Variants in LURAP1L observed in about 807,000 individuals in gnomAD.
LURAP1L encodes the protein leucine rich adaptor protein 1-like.
Under a neutral mutation model 13.8 loss-of-function variants are expected in LURAP1L, and 12 were observed. The observed-to-expected ratio is 0.87, with a 90% CI of 0.56 to 1.41. The LOEUF is 1.41. Among genes scored for constraint, LURAP1L ranks in the 40% most tolerant of loss-of-function variants. The pLI, the probability that LURAP1L is intolerant of heterozygous loss-of-function variation, is 0.00. For missense variants in LURAP1L, 375 were observed against 292.9 expected (o/e 1.28, Z -2.04); for synonymous variants, 139 against 119.2 (o/e 1.17, Z -1.08).
At position 12,786,583 on chromosome 9, in the gene LURAP1L, A is replaced by T. The variant is rs796543223; in HGVS notation, c.312+10556A>T. ...ATATATATATATATATATATATATAAACCCTTGTGCCTTAAGTCTGTATAG... is the reference window on the plus strand; with the variant it reads ...ATATATATATATATATATATATATATACCCTTGTGCCTTAAGTCTGTATAG... On this transcript the variant is annotated intron_variant, in intron 1 of 1. Transcript: ENST00000319264. 1.2e-3 allele frequency among the ~76,000 whole-genome samples: 24 copies of T among 19,852 alleles called. No individual in the cohort carries two copies. The East Asian group carries it at 0.014, about 12-fold the overall frequency. The allele number at this position is 19,852 out of a possible 152,430, so 13.0% of individuals were successfully genotyped here. A position where few individuals can be genotyped will look rare whatever the true frequency, so the allele number is the denominator to read the frequency against.
intron 1 of LURAP1L, among the ~76,000 whole-genome samples, chr9:12,786,283 A>C (rs1214466421): frequency 6.6e-6 from 1 of 151,750 alleles, no homozygotes; most frequent in Non-Finnish European, 1.5e-5. Flanking sequence ...ACTAGTTGCT[A>C]ATTATATAGA....
chr9:12,782,952 G>C (rs1421914131), intron 1 of LURAP1L, among the ~76,000 whole-genome samples: 2 of 151,900 alleles, frequency 1.3e-5, no homozygotes, highest in Non-Finnish European at 2.9e-5. Flanking sequence ...TTAAATCCTA[G>C]GTATTTAATT....
At chr9:12,788,734 A>G (rs13287371) in intron 1 of LURAP1L, among the ~76,000 whole-genome samples, 6,636 of 152,090 alleles carry the variant, frequency 0.044, 199 homozygotes, top group Middle Eastern at 0.16. Flanking sequence ...CAGTGATATC[A>G]TTGAATGATA....
At chr9:12,789,543 A>G (rs1406640236) in intron 1 of LURAP1L, among the ~76,000 whole-genome samples, 1 of 152,208 alleles carries the variant, frequency 6.6e-6, no homozygotes, top group Non-Finnish European at 1.5e-5. Flanking sequence ...AGTAAGATTT[A>G]GCCATTTAAG....
chr9:12,817,966 G>A lies in LURAP1L; in HGVS notation c.313-3420G>A, dbSNP rs535893481. Among the ~76,000 whole-genome samples, 37 of 152,078 alleles carry A rather than the reference G, an allele frequency of 2.4e-4. No individual in the cohort carries two copies. In the South Asian group the frequency reaches 4.4e-3, roughly 18 times the overall value. ...CAGCGTGTGAACTGACGTGCCCAGC[G>A]CTCCCACGGTGGGAAGCTGTTTACT... On this transcript the variant is annotated intron_variant, in intron 1 of 1. Coordinates refer to ENST00000319264, the MANE Select transcript of LURAP1L (RefSeq NM_203403.2).
intron 1 of LURAP1L, among the ~76,000 whole-genome samples, chr9:12,794,608 T>C (rs1819487851): frequency 6.6e-6 from 1 of 152,036 alleles, no homozygotes; most frequent in East Asian, 1.9e-4. Flanking sequence ...ATGAAATTAA[T>C]TTTGCCTCAG....
chr9:12,799,605 G>A (rs1485089687), intron 1 of LURAP1L, among the ~76,000 whole-genome samples: 3 of 152,124 alleles, frequency 2.0e-5, no homozygotes, highest in Non-Finnish European at 4.4e-5. Flanking sequence ...ATTAGGCCGG[G>A]TGTGGTGGCT....
rs1403809830 is a variant in LURAP1L at position 12,820,507 on chromosome 9, C to A, written c.313-879C>A. Among the ~76,000 whole-genome samples, 27 of 77,388 alleles carry A rather than the reference C, an allele frequency of 3.5e-4. 1 individual carries two copies. Among genetic ancestry groups the A allele is most frequent in the East Asian group, 1.1e-3 (3 of 2,680 alleles). 50.8% of individuals were successfully genotyped at this position (77,388 alleles called of 152,430 possible). On this transcript the variant is annotated intron_variant, in intron 1 of 1. Coordinates refer to ENST00000319264, the MANE Select transcript of LURAP1L (RefSeq NM_203403.2). Reference sequence around the variant, plus strand: ...GACAGATCGAGACTCCGTCCCCCCCCCCCCCCCAAAAAAAAAAAAGGACCA... The same window carrying A: ...GACAGATCGAGACTCCGTCCCCCCCACCCCCCCAAAAAAAAAAAAGGACCA...
chr9:12,796,199 T>G (rs1440510272), intron 1 of LURAP1L, among the ~76,000 whole-genome samples: 1 of 151,948 alleles, frequency 6.6e-6, no homozygotes, highest in Non-Finnish European at 1.5e-5. Flanking sequence ...ATGGTTTCAT[T>G]TTATAATTAA....
At chr9:12,779,436 G>T (rs1819239204) in intron 1 of LURAP1L, among the ~76,000 whole-genome samples, 2 of 151,722 alleles carry the variant, frequency 1.3e-5, no homozygotes, top group Admixed American at 6.6e-5. Flanking sequence ...AACCACGCCC[G>T]GCTAATTTTT....
intron 1 of LURAP1L, among the ~76,000 whole-genome samples, chr9:12,821,014 C>T (rs1348583636): frequency 1.3e-5 from 2 of 152,138 alleles, no homozygotes; most frequent in Non-Finnish European, 1.5e-5. Context: ...TTTCTCCCCA[C>T]GACTCAGGAC....
At chr9:12,776,064 G>A in intron 1 of LURAP1L, 37 bp downstream of exon 1, 1 of 1,593,710 alleles carries the variant, frequency 6.3e-7, no homozygotes, top group Non-Finnish European at 8.6e-7. Flanking sequence ...GCTGGGACCT[G>A]GGCTGGGCCA....
At chr9:12,821,047 A>T (rs188180002) in intron 1 of LURAP1L, among the ~76,000 whole-genome samples, 31 of 152,288 alleles carry the variant, frequency 2.0e-4, no homozygotes, top group African/African-American at 6.0e-4. Flanking sequence ...GCCAACGTAA[A>T]CATTAATAAA....
chr9:12,797,422 A>G (rs1819524534), intron 1 of LURAP1L, among the ~76,000 whole-genome samples: 1 of 152,162 alleles, frequency 6.6e-6, no homozygotes, highest in African/African-American at 2.4e-5. Flanking sequence ...TTAGCTGTCT[A>G]AAAACTTATA....
At chr9:12,798,432 A>G (rs746270422) in intron 1 of LURAP1L, among the ~76,000 whole-genome samples, 3 of 152,206 alleles carry the variant, frequency 2.0e-5, no homozygotes, top group Non-Finnish European at 2.9e-5. Flanking sequence ...ACATTTTAAA[A>G]CTGAAGGACA....
chr9:12,818,630 G>A (rs1220905199), intron 1 of LURAP1L, among the ~76,000 whole-genome samples: 1 of 152,204 alleles, frequency 6.6e-6, no homozygotes, highest in Non-Finnish European at 1.5e-5. Flanking sequence ...AGCAGAGGAG[G>A]CTGGAGCCCT....
chr9:12,782,244 A>G (rs1433685101), intron 1 of LURAP1L, among the ~76,000 whole-genome samples: 1 of 152,182 alleles, frequency 6.6e-6, no homozygotes, highest in Non-Finnish European at 1.5e-5. Context: ...TTTGCTGTGC[A>G]GAAGTTTTTA....
chr9:12,779,265 T>TG (rs1366845304), intron 1 of LURAP1L, among the ~76,000 whole-genome samples: 1 of 139,240 alleles, frequency 7.2e-6, no homozygotes, highest in East Asian at 2.5e-4. Flanking sequence ...AATCTTATAA[T>TG]CTTTTTTTTT....
chr9:12,818,609 T>A (rs1819833809), intron 1 of LURAP1L, among the ~76,000 whole-genome samples: 1 of 152,150 alleles, frequency 6.6e-6, no homozygotes, highest in African/African-American at 2.4e-5. Context: ...ACGGTAGTGG[T>A]GAAGCAGGCC....
Sources: allele counts gnomAD v4.1 joint callset (sites outside exome capture counted in the v4.1 genomes callset), GRCh38; gene constraint gnomAD v4.1.1; transcripts MANE v1.5; gene names NCBI Gene and HGNC (gene_info 2026-07-23, HGNC 2026-07-21).